The following TENM3 variants were observed in gnomAD, a reference collection of about 807,000 sequenced individuals.
TENM3 encodes teneurin-3.
TENM3 carries 63 observed loss-of-function variants against 255.1 expected under a neutral mutation model. The ratio of observed to expected loss-of-function variants is 0.25; its 90% CI spans 0.20 to 0.30. The LOEUF (loss-of-function observed/expected upper bound fraction) is 0.30. Ranked by LOEUF, TENM3 falls within the 10% of genes least tolerant of loss-of-function variation. The probability of loss-of-function intolerance (pLI) is 1.00; values close to 1 mark genes in which losing one functional copy is unlikely to be tolerated. For synonymous variants in TENM3, 1,306 were observed against 1,322.3 expected (o/e 0.99, Z 0.27); for missense variants, 2,929 against 3,461.1 (o/e 0.85, Z 3.86).
intron 3 of TENM3, among the ~76,000 whole-genome samples, chr4:182,576,977 C>G (rs1254269832): frequency 6.6e-6 from 1 of 152,174 alleles, no homozygotes; most frequent in Admixed American, 6.6e-5. Context: ...CTGCCTCTTG[C>G]GAGTTCTCCT....
the TENM3 span, among the ~76,000 whole-genome samples, chr4:181,694,650 G>T: frequency 1.3e-5 from 2 of 152,128 alleles, no homozygotes; most frequent in Non-Finnish European, 2.9e-5. Context: ...TGACTAAAAG[G>T]TCTGCTAGGA....
chr4:182,656,955 G>T (rs1333189457), intron 6 of TENM3, among the ~76,000 whole-genome samples: 1 of 152,100 alleles, frequency 6.6e-6, no homozygotes, highest in African/African-American at 2.4e-5. Context: ...GAAGCGTAGG[G>T]TCTTAGACAA....
At chr4:182,403,689 T>C (rs1178169165) in intron 3 of TENM3, among the ~76,000 whole-genome samples, 2 of 152,198 alleles carry the variant, frequency 1.3e-5, no homozygotes, top group African/African-American at 2.4e-5. Context: ...ATGAAACCGA[T>C]GTAGTTTAAT....
the TENM3 span, among the ~76,000 whole-genome samples, chr4:181,568,761 C>T: frequency 5.3e-5 from 8 of 152,190 alleles, no homozygotes; most frequent in Non-Finnish European, 1.0e-4. Flanking sequence ...GATCCCACTT[C>T]CCTAATCCTT....
chr4:182,641,639 T>G (rs932151353), intron 5 of TENM3, among the ~76,000 whole-genome samples: 22 of 151,782 alleles, frequency 1.4e-4, no homozygotes, highest in Non-Finnish European at 2.9e-4. Context: ...GTGAATCTCC[T>G]GCCTCAGCCT....
the TENM3 span, among the ~76,000 whole-genome samples, chr4:181,621,845 A>G: frequency 1.3e-5 from 2 of 152,188 alleles, no homozygotes; most frequent in Non-Finnish European, 2.9e-5. Context: ...CCTGTGTGTC[A>G]TGGTTACAAA....
the TENM3 span, among the ~76,000 whole-genome samples, chr4:181,776,094 C>A: frequency 3.3e-5 from 5 of 152,106 alleles, no homozygotes; most frequent in African/African-American, 1.2e-4. Context: ...CCTTTTTCCA[C>A]TTCTGATATC....
chr4:182,573,397 C>T (rs533779972), intron 3 of TENM3, among the ~76,000 whole-genome samples: 1 of 152,050 alleles, frequency 6.6e-6, no homozygotes, highest in South Asian at 2.1e-4. Flanking sequence ...AAGTATATTC[C>T]TCAGAACAAA....
At chr4:182,447,081 A>G (rs1772982247) in intron 3 of TENM3, among the ~76,000 whole-genome samples, 1 of 152,236 alleles carries the variant, frequency 6.6e-6, no homozygotes. Flanking sequence ...TTCAAAATTT[A>G]TACAGTGTCA....
chr4:182,703,842 T>C (rs1758071603), intron 12 of TENM3, among the ~76,000 whole-genome samples: 1 of 152,236 alleles, frequency 6.6e-6, no homozygotes, highest in Non-Finnish European at 1.5e-5. Context: ...TAGACAAAAG[T>C]GGCAATTACA....
chr4:181,750,933 T>C, the TENM3 span, among the ~76,000 whole-genome samples: 1 of 152,176 alleles, frequency 6.6e-6, no homozygotes, highest in Non-Finnish European at 1.5e-5. Flanking sequence ...TTAATTTTCA[T>C]ACCAGCATGC....
chr4:181,611,891 A>G, the TENM3 span, among the ~76,000 whole-genome samples: 9 of 152,392 alleles, frequency 5.9e-5, no homozygotes, highest in South Asian at 1.7e-3. Context: ...AATTCTGTGT[A>G]AAATCACTTT....
chr4:182,495,945 GA>G lies in TENM3; in HGVS notation c.512-104977del, dbSNP rs536249792. Among the ~76,000 whole-genome samples, 4 of 152,232 alleles carry G rather than the reference GA, an allele frequency of 2.6e-5. No individual in the cohort carries two copies. The East Asian group carries it at 7.7e-4, about 29-fold the overall frequency. On this transcript the variant is annotated intron_variant, in intron 3 of 27. Transcript: ENST00000511685. ...AGTTCATCCTTTGCTATAAATAGGA[GA>G]ATTGTTCTCTTATTTAGACTGACCT...
chr4:182,429,720 G>A (rs1332361801), intron 3 of TENM3, among the ~76,000 whole-genome samples: 1 of 152,082 alleles, frequency 6.6e-6, no homozygotes, highest in Non-Finnish European at 1.5e-5. Context: ...ATTAACCATG[G>A]TAATTCAAAA....
Position 182,179,937 on chromosome 4 carries a change from G to A in TENM3, c.-76+35183G>A, listed in dbSNP as rs1482879142. Among the ~76,000 whole-genome samples the A allele has an allele frequency of 3.3e-5, 5 of 151,888 alleles. No homozygotes were observed. In the East Asian group the frequency reaches 9.7e-4, roughly 29 times the overall value. On this transcript the variant is annotated intron_variant, in intron 1 of 2. Coordinates refer to the TENM3 transcript ENST00000512480. ...AGACCTCATATTCAGATCCATTTTT[G>A]TGTTCTTCTCCCAGGAGATTAGGTA...
chr4:182,281,761 G>A (rs1483953123), intron 1 of TENM3, among the ~76,000 whole-genome samples: 2 of 151,914 alleles, frequency 1.3e-5, no homozygotes, highest in South Asian at 2.1e-4. Context: ...ATTTTCAGAC[G>A]AAGTCTCACT....
intron 3 of TENM3, among the ~76,000 whole-genome samples, chr4:182,499,621 G>C (rs1736132069): frequency 6.6e-6 from 1 of 152,120 alleles, no homozygotes; most frequent in Non-Finnish European, 1.5e-5. Context: ...CCTACCACCA[G>C]ATTAATTTCC....
intron 1 of TENM3, among the ~76,000 whole-genome samples, chr4:182,151,866 A>T (rs1362318667): frequency 6.6e-6 from 1 of 152,052 alleles, no homozygotes; most frequent in Admixed American, 6.6e-5. Flanking sequence ...ATCTAAATAC[A>T]TATTATAGAT....
At chr4:182,469,434 G>T (rs919692773) in intron 3 of TENM3, among the ~76,000 whole-genome samples, 1 of 152,084 alleles carries the variant, frequency 6.6e-6, no homozygotes, top group Non-Finnish European at 1.5e-5. Context: ...AGAGATTTAG[G>T]CCAAGCACGG....
Sources: gnomAD v4.1 joint callset for allele counts (sites outside exome capture counted in the v4.1 genomes callset) on GRCh38, gnomAD v4.1.1 for gene constraint, MANE v1.5 for transcripts, NCBI Gene and HGNC (gene_info 2026-07-23, HGNC 2026-07-21) for gene names.